The following PDE10A variants were observed in gnomAD, a reference collection of about 807,000 sequenced individuals.
PDE10A encodes cAMP and cAMP-inhibited cGMP 3',5'-cyclic phosphodiesterase 10A.
A neutral mutation model predicts 97.7 loss-of-function variants in PDE10A; 39 were observed. The ratio of observed to expected loss-of-function variants is 0.40; its 90% confidence interval spans 0.31 to 0.52. PDE10A has a LOEUF of 0.52. Among genes scored for constraint, PDE10A ranks in the 20% least tolerant of loss-of-function variants. The probability of loss-of-function intolerance (pLI) is 0.56; values close to 1 mark genes in which losing one functional copy is unlikely to be tolerated. For synonymous variants in PDE10A, 371 were observed against 376.8 expected (o/e 0.98, Z 0.18); for missense variants, 731 against 1,047.8 (o/e 0.70, Z 4.17).
chr6:165,460,627 A>C (rs1778265391), intron 3 of PDE10A, among the ~76,000 whole-genome samples: 1 of 152,202 alleles, frequency 6.6e-6, no homozygotes, highest in African/African-American at 2.4e-5. Flanking sequence ...AATTTAACAT[A>C]GTTGGAGTTG....
intron 21 of PDE10A, among the ~76,000 whole-genome samples, chr6:165,334,533 C>T (rs2128173920): frequency 6.6e-6 from 1 of 152,378 alleles, no homozygotes; most frequent in African/African-American, 2.4e-5. Context: ...TGGCATAAAA[C>T]ACACAGAATT....
At chr6:165,837,416 A>G (rs1780093257) in intron 1 of PDE10A, among the ~76,000 whole-genome samples, 1 of 152,082 alleles carries the variant, frequency 6.6e-6, no homozygotes, top group African/African-American at 2.4e-5. Context: ...CTTTTCATTT[A>G]TTAATTTTCT....
intron 1 of PDE10A, among the ~76,000 whole-genome samples, chr6:165,651,097 T>C (rs1453575454): frequency 1.3e-5 from 2 of 152,206 alleles, no homozygotes; most frequent in Admixed American, 1.3e-4. Context: ...CTACACCACT[T>C]GATACTCCCA....
intron 10 of PDE10A, among the ~76,000 whole-genome samples, chr6:165,421,136 T>C (rs77197130): frequency 0.072 from 10,886 of 152,240 alleles, 474 homozygotes; most frequent in Middle Eastern, 0.16. Context: ...ATTATCGTCA[T>C]GGTTGTCAAA....
chr6:165,863,994 G>A (rs1185416854), intron 1 of PDE10A, among the ~76,000 whole-genome samples: 2 of 152,156 alleles, frequency 1.3e-5, no homozygotes, highest in African/African-American at 4.8e-5. Context: ...AAGGGGAAAT[G>A]CAATTATCCA....
intron 1 of PDE10A, among the ~76,000 whole-genome samples, chr6:165,633,146 C>G (rs567329062): frequency 6.6e-6 from 1 of 152,116 alleles, no homozygotes; most frequent in South Asian, 2.1e-4. Flanking sequence ...GATTGTAACT[C>G]TGCAGAATAG....
intron 1 of PDE10A, among the ~76,000 whole-genome samples, chr6:165,898,734 A>T (rs932404282): frequency 2.0e-5 from 3 of 151,854 alleles, no homozygotes; most frequent in Non-Finnish European, 4.4e-5. Flanking sequence ...CCCTCAGGTC[A>T]TTCCTCTCCA....
intron 1 of PDE10A, among the ~76,000 whole-genome samples, chr6:165,816,759 C>T (rs974553705): frequency 3.9e-5 from 6 of 151,966 alleles, no homozygotes; most frequent in Admixed American, 6.6e-5. Context: ...GGGGCTCAGA[C>T]GGTGGAAAGA....
At chr6:165,503,940 A>G (rs988052066) in intron 2 of PDE10A, among the ~76,000 whole-genome samples, 56 of 152,240 alleles carry the variant, frequency 3.7e-4, no homozygotes, top group African/African-American at 1.2e-3. Context: ...ATCCAAGTCA[A>G]TCTTGCTACT....
intron 1 of PDE10A, chr6:165,660,982 A>T (rs1462911661): frequency 6.6e-6 from 1 of 152,374 alleles, no homozygotes; most frequent in Non-Finnish European, 1.5e-5. Flanking sequence ...CGCGACCGCG[A>T]CGCCCCCCTC....
At chr6:165,408,730 T>A (rs973021746) in intron 13 of PDE10A, among the ~76,000 whole-genome samples, 1 of 152,130 alleles carries the variant, frequency 6.6e-6, no homozygotes, top group Non-Finnish European at 1.5e-5. Flanking sequence ...CCAGTCTTCA[T>A]CAGACTGGAA....
chr6:165,945,562 T>C (rs548588092), intron 1 of PDE10A, among the ~76,000 whole-genome samples: 22 of 152,288 alleles, frequency 1.4e-4, no homozygotes, highest in African/African-American at 4.8e-4. Context: ...ATGAATGGGA[T>C]TGGTGCCCTT....
At chr6:165,834,678 G>T (rs939549886) in intron 1 of PDE10A, among the ~76,000 whole-genome samples, 1 of 152,176 alleles carries the variant, frequency 6.6e-6, no homozygotes, top group East Asian at 1.9e-4. Flanking sequence ...TCAGCACCAC[G>T]TGGCTGGTCT....
chr6:165,652,733 C>T (rs1475030787), intron 1 of PDE10A, among the ~76,000 whole-genome samples: 2 of 152,206 alleles, frequency 1.3e-5, no homozygotes, highest in Non-Finnish European at 2.9e-5. Flanking sequence ...ACAGTACTTA[C>T]CAACTTTTAA....
At chr6:165,480,954 C>T (rs551901) in intron 3 of PDE10A, among the ~76,000 whole-genome samples, 11,645 of 152,168 alleles carry the variant, frequency 0.077, 668 homozygotes, top group African/African-American at 0.16. Flanking sequence ...CTCAGAGATG[C>T]GCTTTTCTCC....
intron 1 of PDE10A, among the ~76,000 whole-genome samples, chr6:165,698,513 A>C (rs1791494079): frequency 6.6e-6 from 1 of 152,200 alleles, no homozygotes; most frequent in Non-Finnish European, 1.5e-5. Flanking sequence ...AAATAGAGCG[A>C]AAAAATAATT....
chr6:165,832,048 C>G (rs186159442), intron 1 of PDE10A, among the ~76,000 whole-genome samples: 137 of 152,288 alleles, frequency 9.0e-4, no homozygotes, highest in Non-Finnish European at 1.7e-3. Flanking sequence ...AGGACTGTTA[C>G]AATGAGACAT....
intron 1 of PDE10A, among the ~76,000 whole-genome samples, chr6:165,765,050 TAC>T (rs1777792007): frequency 6.6e-6 from 1 of 152,298 alleles, no homozygotes; most frequent in East Asian, 1.9e-4. Flanking sequence ...AGCAGCTAGA[TAC>T]AGAGTGTGGA....
chr6:165,804,897 T>G (rs1460644036), intron 1 of PDE10A, among the ~76,000 whole-genome samples: 8 of 112,632 alleles, frequency 7.1e-5, no homozygotes, highest in African/African-American at 1.4e-4. Flanking sequence ...GAGTGGGGCG[T>G]GGGGCAAGCA....
Sources: allele counts gnomAD v4.1 joint callset (sites outside exome capture counted in the v4.1 genomes callset), GRCh38; gene constraint gnomAD v4.1.1; transcripts MANE v1.5; gene names NCBI Gene and HGNC (gene_info 2026-07-23, HGNC 2026-07-21).